The following RBFOX1 variants were observed in gnomAD, a reference collection of about 807,000 sequenced individuals.
The protein encoded by RBFOX1 is RNA binding fox-1 homolog 1.
RBFOX1 carries 8 observed loss-of-function variants against 57.7 expected under a neutral mutation model. The ratio of observed to expected loss-of-function variants is 0.14; its 90% CI spans 0.08 to 0.25. The LOEUF (loss-of-function observed/expected upper bound fraction) is 0.25. RBFOX1 is among the 10% of genes least tolerant of loss of function. The pLI, the probability that RBFOX1 is intolerant of heterozygous loss-of-function variation, is 1.00. For synonymous variants in RBFOX1, 326 were observed against 222.4 expected (o/e 1.47, Z -4.15); for missense variants, 611 against 548.5 (o/e 1.11, Z -1.14).
At chr16:6,321,955 C>G (rs2081855309) in intron 2 of RBFOX1, among the ~76,000 whole-genome samples, 1 of 152,176 alleles carries the variant, frequency 6.6e-6, no homozygotes, top group Admixed American at 6.5e-5. Context: ...CTTTCTGTCA[C>G]TTAAGGCTCC....
At chr16:6,774,497 T>TTC (rs1273247779) in intron 3 of RBFOX1, among the ~76,000 whole-genome samples, 1 of 152,190 alleles carries the variant, frequency 6.6e-6, no homozygotes, top group Non-Finnish European at 1.5e-5. Context: ...CAAGCATGAA[T>TTC]TCTGATAGTC....
At chr16:5,272,203 T>A (rs542626708) in intron 1 of RBFOX1, among the ~76,000 whole-genome samples, 65 of 152,332 alleles carry the variant, frequency 4.3e-4, no homozygotes, top group African/African-American at 1.4e-3. Context: ...TCAAAATAAC[T>A]AAGAGGGTAC....
At chr16:7,263,792 A>AG (rs2095021992) in intron 4 of RBFOX1, among the ~76,000 whole-genome samples, 1 of 151,856 alleles carries the variant, frequency 6.6e-6, no homozygotes, top group East Asian at 1.9e-4. Flanking sequence ...GCTGCTCAAG[A>AG]GGTAGGCTGA....
At chr16:7,124,513 T>G (rs1037671503) in intron 4 of RBFOX1, among the ~76,000 whole-genome samples, 1 of 23,580 alleles carries the variant, frequency 4.2e-5, no homozygotes. Context: ...CCCCCTCCCC[T>G]CCCCTCCCCT....
intron 2 of RBFOX1, among the ~76,000 whole-genome samples, chr16:6,505,041 C>G (rs1444146313): frequency 6.6e-6 from 1 of 152,118 alleles, no homozygotes; most frequent in Non-Finnish European, 1.5e-5. Context: ...CTGCTCTACT[C>G]CATCTTGGGC....
At chr16:5,666,730 T>G (rs2151404108) in intron 3 of RBFOX1, among the ~76,000 whole-genome samples, 1 of 152,298 alleles carries the variant, frequency 6.6e-6, no homozygotes, top group Non-Finnish European at 1.5e-5. Context: ...TTTTTCTAGG[T>G]AGGGAATGGA....
At chr16:7,363,806 G>C (rs2097378458) in intron 4 of RBFOX1, among the ~76,000 whole-genome samples, 1 of 152,012 alleles carries the variant, frequency 6.6e-6, no homozygotes, top group Non-Finnish European at 1.5e-5. Context: ...GAAAATAAGT[G>C]CCCAGAATCT....
intron 4 of RBFOX1, among the ~76,000 whole-genome samples, chr16:7,293,751 T>G (rs749081959): frequency 1.3e-5 from 2 of 152,138 alleles, no homozygotes; most frequent in Non-Finnish European, 2.9e-5. Flanking sequence ...TGTCACCTTG[T>G]AAGTTTTGCA....
At chr16:7,269,777 A>C (rs191938402) in intron 4 of RBFOX1, among the ~76,000 whole-genome samples, 1 of 152,220 alleles carries the variant, frequency 6.6e-6, no homozygotes, top group African/African-American at 2.4e-5. Flanking sequence ...AATGCTAAAA[A>C]GTATTGTGTC....
intron 2 of RBFOX1, among the ~76,000 whole-genome samples, chr16:5,573,581 C>T (rs1312101356): frequency 1.3e-5 from 2 of 152,170 alleles, no homozygotes; most frequent in Non-Finnish European, 2.9e-5. Flanking sequence ...TTAAAGGAGG[C>T]CTTGTTTGTC....
intron 3 of RBFOX1, among the ~76,000 whole-genome samples, chr16:6,871,451 G>A (rs186754547): frequency 7.9e-5 from 12 of 152,210 alleles, no homozygotes; most frequent in Non-Finnish European, 4.4e-5. Context: ...CTCCCAAATT[G>A]CTGGGATTAC....
chr16:7,297,244 C>T (rs930520159), intron 4 of RBFOX1, among the ~76,000 whole-genome samples: 2 of 152,148 alleles, frequency 1.3e-5, no homozygotes, highest in Admixed American at 1.3e-4. Flanking sequence ...ATATGTGAGG[C>T]TTGATGTAAA....
intron 13 of RBFOX1, among the ~76,000 whole-genome samples, chr16:7,673,933 T>C (rs1055548639): frequency 2.6e-5 from 4 of 152,186 alleles, no homozygotes; most frequent in South Asian, 4.1e-4. Context: ...GTGACAGCAA[T>C]TGAAAGTGAG....
intron 4 of RBFOX1, among the ~76,000 whole-genome samples, chr16:7,164,692 A>G (rs905258466): frequency 1.3e-5 from 2 of 152,210 alleles, no homozygotes; most frequent in Admixed American, 1.3e-4. Context: ...TGCACATCAC[A>G]TTTCTATTCA....
intron 1 of RBFOX1, among the ~76,000 whole-genome samples, chr16:5,386,511 C>A (rs1467665286): frequency 6.6e-6 from 1 of 152,132 alleles, no homozygotes; most frequent in Non-Finnish European, 1.5e-5. Flanking sequence ...CCCCGTAAAT[C>A]ACCTCTCCTG....
chr16:5,612,440 G>A (rs1233409986), intron 3 of RBFOX1, among the ~76,000 whole-genome samples: 1 of 150,390 alleles, frequency 6.6e-6, no homozygotes, highest in African/African-American at 2.4e-5. Context: ...CCCCCCCTCT[G>A]TGGGTCTACA....
At chr16:7,415,632 G>A (rs2098470804) in intron 4 of RBFOX1, among the ~76,000 whole-genome samples, 2 of 152,106 alleles carry the variant, frequency 1.3e-5, no homozygotes, top group Admixed American at 6.6e-5. Context: ...TAGGTTCCCA[G>A]CATTGTATTC....
At chr16:7,693,398 C>A (rs1406924595) in intron 14 of RBFOX1, 2 of 1,488,036 alleles carry the variant, frequency 1.3e-6, no homozygotes, top group Admixed American at 1.8e-5. Context: ...TTGATGCATC[C>A]ATCCAAGTCT....
intron 4 of RBFOX1, among the ~76,000 whole-genome samples, chr16:7,380,349 A>C (rs2097764713): frequency 6.6e-6 from 1 of 152,132 alleles, no homozygotes; most frequent in South Asian, 2.1e-4. Context: ...ACCTTTGCAG[A>C]TATTTTGTGC....
Sources: gnomAD v4.1 joint callset for allele counts (sites outside exome capture counted in the v4.1 genomes callset) on GRCh38, gnomAD v4.1.1 for gene constraint, MANE v1.5 for transcripts, NCBI Gene and HGNC (gene_info 2026-07-23, HGNC 2026-07-21) for gene names.